The following GAN variants were observed in gnomAD, a reference collection of about 807,000 sequenced individuals.
GAN encodes gigaxonin, also known as epididymis secretory sperm binding protein.
GAN carries 48 observed loss-of-function variants against 71.3 expected under a neutral mutation model. The observed-to-expected ratio is 0.67, with a 90% confidence interval of 0.53 to 0.86. The LOEUF (loss-of-function observed/expected upper bound fraction) is 0.86. GAN is among the 40% of genes least tolerant of loss of function. The pLI, the probability that GAN is intolerant of heterozygous loss-of-function variation, is 0.00. For synonymous variants in GAN, 386 were observed against 276.8 expected (o/e 1.39, Z -3.92); for missense variants, 928 against 770.1 (o/e 1.21, Z -2.43).
intron 9 of GAN, among the ~76,000 whole-genome samples, chr16:81,367,778 C>T (rs1037394406): frequency 3.3e-5 from 5 of 152,302 alleles, no homozygotes; most frequent in African/African-American, 7.2e-5. Flanking sequence ...AAAGGGTGAG[C>T]GGTGTGCCCA....
chr16:81,367,287 C>A lies in GAN; in HGVS notation c.1502+1809C>A, dbSNP rs1262706607. Among the ~76,000 whole-genome samples, 4 of 152,246 alleles carry A rather than the reference C, an allele frequency of 2.6e-5. No individual in the cohort carries two copies. The South Asian group carries it at 8.3e-4, about 32-fold the overall frequency. ...GCTATAATCCCAACACTTTGGGAGG[C>A]CGACGCGGGCAGATCACTTGAGGCC... is the stretch of plus-strand genomic sequence containing the variant. On this transcript the variant is annotated intron_variant, in intron 9 of 10. Coordinates refer to ENST00000648994, the MANE Select transcript of GAN (RefSeq NM_022041.4).
At chr16:81,365,203 G>C in intron 8 of GAN, 93 bp downstream of exon 8, 2 of 1,565,422 alleles carry the variant, frequency 1.3e-6, no homozygotes, top group Non-Finnish European at 1.8e-6. Flanking sequence ...TTTTCTTTCA[G>C]AGTAACCTTT....
At chr16:81,331,096 T>G (rs938226155) in intron 1 of GAN, among the ~76,000 whole-genome samples, 3 of 152,148 alleles carry the variant, frequency 2.0e-5, no homozygotes, top group African/African-American at 7.2e-5. Context: ...TCCCAGCCAC[T>G]CAGAAGGCTG....
chr16:81,345,642 G>A (rs1910094272), intron 1 of GAN, among the ~76,000 whole-genome samples: 1 of 152,186 alleles, frequency 6.6e-6, no homozygotes, highest in African/African-American at 2.4e-5. Context: ...AATATCTGAT[G>A]TAGGTGACGG....
intron 5 of GAN, among the ~76,000 whole-genome samples, chr16:81,361,405 A>T (rs919161416): frequency 2.6e-5 from 4 of 152,168 alleles, no homozygotes; most frequent in Non-Finnish European, 5.9e-5. Context: ...TTCAAGGCTC[A>T]TGATTTCCCA....
intron 1 of GAN, among the ~76,000 whole-genome samples, chr16:81,351,173 G>C (rs1017009641): frequency 6.6e-6 from 1 of 152,206 alleles, no homozygotes; most frequent in Non-Finnish European, 1.5e-5. Flanking sequence ...AAGACCATCT[G>C]GTTAGAAGCG....
chr16:81,368,988 C>A (rs1910950910), intron 9 of GAN, among the ~76,000 whole-genome samples: 1 of 152,200 alleles, frequency 6.6e-6, no homozygotes, highest in African/African-American at 2.4e-5. Context: ...AAAAGTTTCA[C>A]CCTTTTTTAG....
rs1910515245 is a variant in GAN at position 81,357,090 on chromosome 16, C to G, written c.851+88C>G. The G allele has an allele frequency of 3.4e-6, 3 of 875,896 alleles. No homozygotes were observed. The Admixed American group carries it at 5.2e-5, about 15-fold the overall frequency. The allele number at this position is 875,896 out of a possible 1,614,324, so 54.3% of individuals were successfully genotyped here. ...AAGAATTCATAATGCTTTTCAGTAT[C>G]TAAAACATAATTACATTTGATTTTT... is the stretch of plus-strand genomic sequence containing the variant. On this transcript the variant is annotated intron_variant, in intron 4 of 10. Coordinates refer to ENST00000648994, the MANE Select transcript of GAN (RefSeq NM_022041.4).
intron 5 of GAN, among the ~76,000 whole-genome samples, chr16:81,359,451 T>G (rs1445577043): frequency 6.6e-6 from 1 of 152,106 alleles, no homozygotes; most frequent in Non-Finnish European, 1.5e-5. Context: ...TTTGACTGTT[T>G]TTTTGTCATT....
chr16:81,372,502 A>G (rs1911068418), intron 9 of GAN, among the ~76,000 whole-genome samples: 1 of 152,180 alleles, frequency 6.6e-6, no homozygotes, highest in Non-Finnish European at 1.5e-5. Flanking sequence ...ATAAGCAGCA[A>G]CACCTGAAGA....
At position 81,381,168 on chromosome 16, in the gene GAN, G is replaced by C. The variant is rs1165334404; in HGVS notation, c.*3572G>C. ...TTGCTATGGCACCTAAGTTACTCAT[G>C]GGTAGTTAAGTTTCATTTCTAGAGA... On this transcript the variant is annotated 3_prime_UTR_variant, in exon 11 of 11. Coordinates refer to ENST00000648994, the MANE Select transcript of GAN (RefSeq NM_022041.4). 2 of 152,188 alleles carry C rather than the reference G, an allele frequency of 1.3e-5. 1 individual carries two copies. Among genetic ancestry groups the C allele is most frequent in the Middle Eastern group, 6.3e-3 (2 of 316 alleles). 9.4% of individuals were successfully genotyped at this position (152,188 alleles called of 1,614,324 possible). A position where few individuals can be genotyped will look rare whatever the true frequency, so the allele number is the denominator to read the frequency against.
chr16:81,335,535 T>TC (rs1241293168), intron 1 of GAN, among the ~76,000 whole-genome samples: 5 of 151,980 alleles, frequency 3.3e-5, no homozygotes, highest in Admixed American at 6.6e-5. Context: ...TCAACTGAGG[T>TC]CAGGAGTTCG....
chr16:81,316,863 T>C (rs1288952372), intron 1 of GAN, among the ~76,000 whole-genome samples: 1 of 152,126 alleles, frequency 6.6e-6, no homozygotes, highest in Non-Finnish European at 1.5e-5. Flanking sequence ...TCGTGGTGTT[T>C]TGTTTTGTTT....
chr16:81,363,948 G>A lies in GAN; in HGVS notation c.1236+5G>A. 6.2e-7 allele frequency: 1 copy of A among 1,610,464 alleles called. No individual in the cohort carries two copies. The highest frequency in any genetic ancestry group is 8.5e-7 in the Non-Finnish European group (1 of 1,176,702). On this transcript the variant is annotated splice_donor_5th_base_variant and intron_variant, in intron 7 of 10. Coordinates refer to ENST00000648994, the MANE Select transcript of GAN (RefSeq NM_022041.4). ...GATTTGACCATGGTCAGAAAGGTGA[G>A]GACTGCATTTTGTGATAACTAGTCT...
In GAN at chr16:81,314,966, A is replaced by G. The variant is rs1054885281; in HGVS notation, c.-148A>G. ...GGCGCCGGCCCAGCGCGCCGCGGATAGCACAGGCACGTCCCGGGGGCTCCA... is the reference window on the plus strand; with the variant it reads ...GGCGCCGGCCCAGCGCGCCGCGGATGGCACAGGCACGTCCCGGGGGCTCCA... On this transcript the variant is annotated 5_prime_UTR_variant, in exon 1 of 11. It adds an upstream start codon to the 5' untranslated region. Transcript: ENST00000648994. 4 of 573,082 alleles carry G rather than the reference A, an allele frequency of 7.0e-6. No individual in the cohort carries two copies. The highest frequency in any genetic ancestry group is 1.9e-5 in the African/African-American group (1 of 51,308). 35.5% of individuals were successfully genotyped at this position (573,082 alleles called of 1,614,324 possible).
At chr16:81,330,443 G>A (rs1318725011) in intron 1 of GAN, among the ~76,000 whole-genome samples, 3 of 152,158 alleles carry the variant, frequency 2.0e-5, no homozygotes, top group Middle Eastern at 3.2e-3. Flanking sequence ...ATGTGAGCAA[G>A]AAAATAAATC....
Position 81,384,593 on chromosome 16 carries a change from A to T in GAN, c.*6997A>T, listed in dbSNP as rs1402522907. ...GATACTATTTTTTTCATTTCTTATA[A>T]GGTGCTATTGTTTCCCAGAAATCTT... On this transcript the variant is annotated 3_prime_UTR_variant, in exon 11 of 11. Transcript: ENST00000648994. 1.3e-5 allele frequency: 2 copies of T among 152,128 alleles called. No homozygotes were observed. The highest frequency in any genetic ancestry group is 4.8e-5 in the African/African-American group (2 of 41,410). The allele number at this position is 152,128 out of a possible 1,614,324, so 9.4% of individuals were successfully genotyped here.
At chr16:81,333,463 A>G (rs1314664207) in intron 1 of GAN, among the ~76,000 whole-genome samples, 2 of 152,154 alleles carry the variant, frequency 1.3e-5, no homozygotes, top group African/African-American at 2.4e-5. Context: ...TGGGTAGAAA[A>G]TAGTACCGTT....
chr16:81,345,464 G>A (rs1910088197), intron 1 of GAN, among the ~76,000 whole-genome samples: 1 of 152,154 alleles, frequency 6.6e-6, no homozygotes, highest in Non-Finnish European at 1.5e-5. Context: ...GATGAAGCTG[G>A]AAACCATCAT....
Sources: gnomAD v4.1 joint callset for allele counts (sites outside exome capture counted in the v4.1 genomes callset) on GRCh38, gnomAD v4.1.1 for gene constraint, MANE v1.5 for transcripts, NCBI Gene and HGNC (gene_info 2026-07-23, HGNC 2026-07-21) for gene names.